Variants in PTPRG observed in about 807,000 individuals in gnomAD.
The protein encoded by PTPRG is receptor-type tyrosine-protein phosphatase gamma.
A neutral mutation model predicts 165.3 loss-of-function variants in PTPRG; 102 were observed. The observed-to-expected ratio is 0.62, with a 90% CI of 0.53 to 0.73. The LOEUF (loss-of-function observed/expected upper bound fraction) is 0.73. PTPRG is among the 30% of genes least tolerant of loss of function. PTPRG has a pLI of 0.00. For missense variants in PTPRG, 1,866 were observed against 1,861.4 expected (o/e 1.00, Z -0.05); for synonymous variants, 675 against 669.5 (o/e 1.01, Z -0.13).
intron 2 of PTPRG, among the ~76,000 whole-genome samples, chr3:61,858,875 A>C (rs1341496328): frequency 6.6e-6 from 1 of 152,204 alleles, no homozygotes; most frequent in African/African-American, 2.4e-5. Context: ...AGTTTATTAC[A>C]AACTCCTTTT....
chr3:61,990,423 G>A (rs545142620), intron 3 of PTPRG, among the ~76,000 whole-genome samples: 1 of 152,252 alleles, frequency 6.6e-6, no homozygotes, highest in Admixed American at 6.5e-5. Flanking sequence ...TTGTGTATCA[G>A]ACCAGCAATT....
intron 4 of PTPRG, among the ~76,000 whole-genome samples, chr3:62,047,463 T>C (rs565763726): frequency 6.6e-6 from 1 of 150,604 alleles, no homozygotes; most frequent in South Asian, 2.1e-4. Flanking sequence ...GGTTTCGCCA[T>C]GTTGGCCAGG....
At chr3:61,681,042 A>C (rs1309838086) in intron 1 of PTPRG, among the ~76,000 whole-genome samples, 25 of 113,768 alleles carry the variant, frequency 2.2e-4, no homozygotes, top group African/African-American at 7.9e-4. Context: ...TTAATCTTAT[A>C]TCTTTATGTT....
chr3:61,583,986 C>T (rs558275824), intron 1 of PTPRG, among the ~76,000 whole-genome samples: 2 of 152,202 alleles, frequency 1.3e-5, no homozygotes, highest in African/African-American at 4.8e-5. Context: ...AGGACAGGAA[C>T]CTTCTCCCCT....
intron 2 of PTPRG, among the ~76,000 whole-genome samples, chr3:61,984,966 A>G (rs1214192525): frequency 2.0e-5 from 3 of 152,248 alleles, no homozygotes; most frequent in African/African-American, 4.8e-5. Context: ...ATTTTTGGAA[A>G]GAATACCACG....
At chr3:61,598,487 A>G (rs1248835351) in intron 1 of PTPRG, among the ~76,000 whole-genome samples, 1 of 152,072 alleles carries the variant, frequency 6.6e-6, no homozygotes, top group Non-Finnish European at 1.5e-5. Flanking sequence ...GGGCTTTATT[A>G]CTTGATGATA....
At chr3:61,677,649 G>T (rs558906394) in intron 1 of PTPRG, among the ~76,000 whole-genome samples, 1 of 152,254 alleles carries the variant, frequency 6.6e-6, no homozygotes, top group Admixed American at 6.5e-5. Flanking sequence ...TTTTCTCTCT[G>T]TGCTGCAATA....
At chr3:61,762,875 T>C (rs2033899254) in intron 2 of PTPRG, among the ~76,000 whole-genome samples, 1 of 152,080 alleles carries the variant, frequency 6.6e-6, no homozygotes, top group Non-Finnish European at 1.5e-5. Context: ...TGTTTAGGCT[T>C]TGCCATCCTT....
intron 5 of PTPRG, among the ~76,000 whole-genome samples, chr3:62,110,089 CTTTTTTTTTT>C (rs371457716): frequency 2.4e-4 from 19 of 79,962 alleles, no homozygotes; most frequent in Admixed American, 1.1e-3. Flanking sequence ...GAAATAATGG[CTTTTTTTTTT>C]TTTTTTTTTT....
At chr3:61,828,657 T>C (rs1230645116) in intron 2 of PTPRG, among the ~76,000 whole-genome samples, 2 of 152,182 alleles carry the variant, frequency 1.3e-5, no homozygotes, top group Admixed American at 6.5e-5. Flanking sequence ...CTACACATGG[T>C]TGGCGTCGGA....
chr3:62,006,562 C>G (rs1467932151), intron 4 of PTPRG, among the ~76,000 whole-genome samples: 1 of 152,098 alleles, frequency 6.6e-6, no homozygotes, highest in Non-Finnish European at 1.5e-5. Context: ...AGCAATTTAT[C>G]AGCATTGGGG....
chr3:62,075,914 G>C (rs2526429), intron 4 of PTPRG, among the ~76,000 whole-genome samples: 1 of 152,102 alleles, frequency 6.6e-6, no homozygotes, highest in African/African-American at 2.4e-5. Flanking sequence ...ATTCTAGATG[G>C]TTCAGTGGAA....
chr3:61,742,841 G>A (rs995529525), intron 1 of PTPRG: 4 of 1,585,928 alleles, frequency 2.5e-6, no homozygotes, highest in South Asian at 1.1e-5. Context: ...AGTTTTTTCA[G>A]CGCCTCGATG....
chr3:62,265,896 T>TATATATACACACAC (rs1553662684), intron 17 of PTPRG, among the ~76,000 whole-genome samples: 6 of 130,526 alleles, frequency 4.6e-5, no homozygotes, highest in African/African-American at 5.8e-5. Flanking sequence ...GTGCCTTATA[T>TATATATACACACAC]ACACACACAC....
intron 2 of PTPRG, among the ~76,000 whole-genome samples, chr3:61,962,394 C>T (rs2107644366): frequency 6.6e-6 from 1 of 152,274 alleles, no homozygotes; most frequent in Middle Eastern, 3.4e-3. Flanking sequence ...AGTTGCATGG[C>T]TTGAGGGAAC....
chr3:62,049,978 A>G (rs1700419007), intron 4 of PTPRG, among the ~76,000 whole-genome samples: 1 of 152,234 alleles, frequency 6.6e-6, no homozygotes, highest in African/African-American at 2.4e-5. Flanking sequence ...ACACCAAGGA[A>G]ATTCTTAAAG....
intron 2 of PTPRG, among the ~76,000 whole-genome samples, chr3:61,972,757 A>G (rs1217746345): frequency 1.3e-5 from 2 of 150,340 alleles, no homozygotes; most frequent in South Asian, 4.2e-4. Flanking sequence ...GGCTCAAGTG[A>G]TACTCACACC....
At chr3:61,698,687 G>C (rs769657574) in intron 1 of PTPRG, among the ~76,000 whole-genome samples, 3 of 151,840 alleles carry the variant, frequency 2.0e-5, no homozygotes, top group Non-Finnish European at 4.4e-5. Context: ...TCATATCTGT[G>C]GATATTTACT....
intron 1 of PTPRG, among the ~76,000 whole-genome samples, chr3:61,698,300 T>A (rs1476157029): frequency 6.6e-6 from 1 of 152,142 alleles, no homozygotes; most frequent in African/African-American, 2.4e-5. Flanking sequence ...TCATCATTTT[T>A]TTCTGGAAAG....
Sources: gnomAD v4.1 joint callset for allele counts (sites outside exome capture counted in the v4.1 genomes callset) on GRCh38, gnomAD v4.1.1 for gene constraint, MANE v1.5 for transcripts, NCBI Gene and HGNC (gene_info 2026-07-23, HGNC 2026-07-21) for gene names.